The following ZFYVE28 variants were observed in gnomAD, a reference collection of about 807,000 sequenced individuals.
The protein encoded by ZFYVE28 is zinc finger FYVE-type containing 28.
A neutral mutation model predicts 82.1 loss-of-function variants in ZFYVE28; 40 were observed. The observed-to-expected ratio is 0.49, with a 90% CI of 0.38 to 0.63. The LOEUF (loss-of-function observed/expected upper bound fraction) is 0.63, where lower values mean the gene tolerates loss of function less well. Ranked by LOEUF, ZFYVE28 falls within the 30% of genes least tolerant of loss-of-function variation. ZFYVE28 has a pLI of 0.00. For missense variants in ZFYVE28, 1,321 were observed against 1,242.1 expected (o/e 1.06, Z -0.96); for synonymous variants, 612 against 546.1 (o/e 1.12, Z -1.68).
At chr4:2,401,553 C>G (rs995779706) in intron 1 of ZFYVE28, among the ~76,000 whole-genome samples, 3 of 152,216 alleles carry the variant, frequency 2.0e-5, no homozygotes, top group South Asian at 4.1e-4. Context: ...AGGCCCTCCC[C>G]CTCCTCCTTC....
At chr4:2,342,079 C>T (rs1722911694) in intron 2 of ZFYVE28, among the ~76,000 whole-genome samples, 1 of 152,222 alleles carries the variant, frequency 6.6e-6, no homozygotes, top group South Asian at 2.1e-4. Flanking sequence ...CTCGTCTTCC[C>T]TGAAGCTCAG....
intron 1 of ZFYVE28, among the ~76,000 whole-genome samples, chr4:2,377,615 C>G (rs61589402): frequency 6.6e-6 from 1 of 152,192 alleles, no homozygotes; most frequent in African/African-American, 2.4e-5. Flanking sequence ...GCCTTCCCGC[C>G]GCACTGTGGG....
At position 2,354,035 on chromosome 4, in the gene ZFYVE28, G is replaced by T; in HGVS notation, c.78C>A (p.Ala26=). 6.3e-7 allele frequency: 1 copy of T among 1,579,342 alleles called. No individual in the cohort carries two copies. Among genetic ancestry groups the T allele is most frequent in the Non-Finnish European group, 8.6e-7 (1 of 1,162,842 alleles). The change falls in exon 2 of 13, where the codon GCC becomes GCA. Residue 26 remains alanine (A), a synonymous_variant. Transcript: ENST00000290974. The part of the protein sequence containing the change: ...DPQLLARFYY[A]DEELNQVAAE... ...CGGCCACCTGGTTCAGCTCCTCGTC[G>T]GCATAGTAGAACCGGGCAAGCAGCT...
rs145804024 is a variant in ZFYVE28, at chr4:2,300,070, T to A, written c.2051+4219A>T. The stretch of plus-strand genomic sequence containing the variant: ...GCCTCAGCCCCCAAAGTGCTGGGAA[T>A]ACAAGCATAAGCCACCAGACCCAGA... On this transcript the variant is annotated intron_variant, in intron 8 of 12. Transcript: ENST00000290974. The surrounding 1 kb of genome is among the most constrained non-coding windows in gnomAD (Gnocchi z 4.6). Among the ~76,000 whole-genome samples the A allele has an allele frequency of 5.3e-4, 81 of 152,352 alleles. 1 individual carries two copies. The highest frequency in any genetic ancestry group is 3.4e-3 in the Middle Eastern group (1 of 294).
rs571192200 is a variant in ZFYVE28 at position 2,333,769 on chromosome 4, T to C, written c.701+1936A>G. Among the ~76,000 whole-genome samples, 28 of 152,356 alleles carry C rather than the reference T, an allele frequency of 1.8e-4. No individual in the cohort carries two copies. The South Asian group carries it at 5.8e-3, about 32-fold the overall frequency. On this transcript the variant is annotated intron_variant, in intron 6 of 12. Coordinates refer to ENST00000290974, the MANE Select transcript of ZFYVE28 (RefSeq NM_020972.3). ...CCTGAGGCAAAGGCTCACAGCGCCC[T>C]GCGCCCTGGTGGAAACAAGGCCGGC...
rs1722458347 is a variant in ZFYVE28, at chr4:2,339,711, G to A, written c.319-56C>T. ...CCGGGTGAGGGCCAGGCTCTCAGGG[G>A]TCGCCGACCCGGGGAACCTGACTGC... On this transcript the variant is annotated intron_variant, in intron 3 of 12. Transcript: ENST00000290974. This position sits in a 1 kb window ranked among gnomAD's most constrained non-coding sequence, Gnocchi z 5.0. 1 of 1,507,758 alleles carries A rather than the reference G, an allele frequency of 6.6e-7. No individual in the cohort carries two copies. Among genetic ancestry groups the A allele is most frequent in the African/African-American group, 1.4e-5 (1 of 72,188 alleles). 93.4% of individuals were successfully genotyped at this position (1,507,758 alleles called of 1,614,324 possible). A position where few individuals can be genotyped will look rare whatever the true frequency, so the allele number is the denominator to read the frequency against.
rs1733055967 is a variant in ZFYVE28, at chr4:2,416,538, A to G, written c.39+1747T>C. Among the ~76,000 whole-genome samples the G allele has an allele frequency of 6.6e-6, 1 of 152,206 alleles. No individual in the cohort carries two copies. The highest frequency in any genetic ancestry group is 2.4e-5 in the African/African-American group (1 of 41,452). On this transcript the variant is annotated intron_variant, in intron 1 of 12. Coordinates refer to ENST00000290974, the MANE Select transcript of ZFYVE28 (RefSeq NM_020972.3). The surrounding 1 kb of genome is among the most constrained non-coding windows in gnomAD (Gnocchi z 4.6). ...CAGACTTGGTTTTCAGTAACTGGTG[A>G]GGAAAAGTCACTGGAACCAAACACC...
At chr4:2,307,671 T>G (rs1716792522) in intron 7 of ZFYVE28, among the ~76,000 whole-genome samples, 2 of 152,204 alleles carry the variant, frequency 1.3e-5, no homozygotes, top group Admixed American at 1.3e-4. Flanking sequence ...TAAAAAAATT[T>G]TTTTTAGAGA....
In ZFYVE28 at chr4:2,417,218, C is replaced by T. The variant is rs890586802; in HGVS notation, c.39+1067G>A. ...GCGGTGACCCCACCCGAGCCGTGAC[C>T]TCCCCCAAGATCTCAGGGCCCGGGC... On this transcript the variant is annotated intron_variant, in intron 1 of 12. Coordinates refer to ENST00000290974, the MANE Select transcript of ZFYVE28 (RefSeq NM_020972.3). The surrounding 1 kb of genome is among the most constrained non-coding windows in gnomAD (Gnocchi z 4.8). Among the ~76,000 whole-genome samples the T allele has an allele frequency of 7.2e-5, 11 of 152,178 alleles. No homozygotes were observed. Among genetic ancestry groups the T allele is most frequent in the Non-Finnish European group, 1.5e-4 (10 of 68,022 alleles).
intron 8 of ZFYVE28, among the ~76,000 whole-genome samples, chr4:2,301,860 T>G (rs1472421647): frequency 6.6e-6 from 1 of 152,196 alleles, no homozygotes; most frequent in Non-Finnish European, 1.5e-5. Flanking sequence ...GTGAAGCTCA[T>G]GCTGCATCTC....
chr4:2,313,570 T>A, intron 7 of ZFYVE28, among the ~76,000 whole-genome samples: 1 of 152,094 alleles, frequency 6.6e-6, no homozygotes, highest in East Asian at 1.9e-4. Flanking sequence ...CACATACTTT[T>A]AAGAAGAACA....
intron 1 of ZFYVE28, among the ~76,000 whole-genome samples, chr4:2,380,782 C>T (rs1407492142): frequency 6.6e-6 from 1 of 152,154 alleles, no homozygotes; most frequent in African/African-American, 2.4e-5. Flanking sequence ...TTTCTCTTGC[C>T]ACTGCCATGT....
intron 8 of ZFYVE28, among the ~76,000 whole-genome samples, chr4:2,276,025 C>A (rs1560127070): frequency 6.6e-6 from 1 of 152,234 alleles, no homozygotes; most frequent in Non-Finnish European, 1.5e-5. Context: ...TTTCACAGAC[C>A]GTGGGAAACA....
chr4:2,334,084 AG>A (rs1218383888), intron 6 of ZFYVE28, among the ~76,000 whole-genome samples: 14 of 152,070 alleles, frequency 9.2e-5, no homozygotes, highest in Non-Finnish European at 1.6e-4. Flanking sequence ...TAACGGCAGG[AG>A]GATTTCCGAG....
intron 8 of ZFYVE28, chr4:2,286,243 C>T (rs1053787364): frequency 1.3e-5 from 2 of 152,686 alleles, no homozygotes; most frequent in African/African-American, 2.4e-5. Context: ...CTTCTCCCTC[C>T]CGGCGCCCAG....
chr4:2,337,398 T>C lies in ZFYVE28; in HGVS notation c.611+9A>G, dbSNP rs1380320195. On this transcript the variant is annotated intron_variant, in intron 5 of 12. Coordinates refer to ENST00000290974, the MANE Select transcript of ZFYVE28 (RefSeq NM_020972.3). ...GCTGCCCCCAGCCCCTAAGCATCCC[T>C]GTGCTCACCTCTCCACCGTCTCGCA... The C allele has an allele frequency of 6.3e-6, 10 of 1,595,828 alleles. No homozygotes were observed. Among genetic ancestry groups the C allele is most frequent in the South Asian group, 1.1e-5 (1 of 88,036 alleles).
At position 2,404,928 on chromosome 4, in the gene ZFYVE28, C is replaced by G. The variant is rs567937081; in HGVS notation, c.39+13357G>C. Among the ~76,000 whole-genome samples the G allele has an allele frequency of 3.5e-5, 5 of 144,682 alleles. No individual in the cohort carries two copies. In the South Asian group the frequency reaches 6.6e-4, roughly 19 times the overall value. 94.9% of individuals were successfully genotyped at this position (144,682 alleles called of 152,430 possible). ...TTGCCCAGGCTGGAGTGCAGTGGCA[C>G]AGTCGTAGTTCACTGCAGCTTCAAA... On this transcript the variant is annotated intron_variant, in intron 1 of 12. Transcript: ENST00000290974.
chr4:2,410,626 G>C (rs1421510308), intron 1 of ZFYVE28, among the ~76,000 whole-genome samples: 1 of 152,016 alleles, frequency 6.6e-6, no homozygotes, highest in Non-Finnish European at 1.5e-5. Flanking sequence ...CTCCTGAGTA[G>C]CTGGGACTAC....
intron 8 of ZFYVE28, among the ~76,000 whole-genome samples, chr4:2,284,125 C>T (rs1243851977): frequency 6.6e-6 from 1 of 152,204 alleles, no homozygotes; most frequent in Non-Finnish European, 1.5e-5. Context: ...TGACATCAAT[C>T]GACAGCTCAG....
Sources: allele counts gnomAD v4.1 joint callset (sites outside exome capture counted in the v4.1 genomes callset), GRCh38; gene constraint gnomAD v4.1.1; non-coding constraint Gnocchi (gnomAD v3.1); transcripts MANE v1.5; gene names NCBI Gene and HGNC (gene_info 2026-07-23, HGNC 2026-07-21).